Variants in MIA2 observed in about 807,000 individuals in gnomAD.
MIA2 encodes the protein MIA SH3 domain ER export factor 2, also known as melanoma inhibitory activity protein 2.
Under a neutral mutation model 167.8 loss-of-function variants are expected in MIA2, and 127 were observed. The ratio of observed to expected loss-of-function variants is 0.76; its 90% CI spans 0.66 to 0.88. MIA2 has a LOEUF of 0.88. MIA2 is among the 40% of genes least tolerant of loss of function. The pLI is 0.00. For synonymous variants in MIA2, 552 were observed against 541.9 expected, an observed-to-expected ratio of 1.02 and a Z score of -0.26; for missense variants, 1,690 against 1,624.7, an observed-to-expected ratio of 1.04 and a Z score of -0.69.
intron 6 of MIA2, chr14:39,268,965 G>A: frequency 1.0e-6 from 1 of 969,464 alleles, no homozygotes; most frequent in Non-Finnish European, 1.2e-6. Context: ...TCAAGATTTA[G>A]TTTTTATAGG....
chr14:39,380,235 G>A (rs562051134), intron 23 of MIA2, among the ~76,000 whole-genome samples: 1 of 152,294 alleles, frequency 6.6e-6, no homozygotes, highest in Non-Finnish European at 1.5e-5. Context: ...ATTATCTCAG[G>A]TCTTCTCCAA....
Position 39,247,537 on chromosome 14 carries a change from A to T in MIA2, c.963A>T (p.Gly321=). 4 of 1,614,086 alleles carry T rather than the reference A, an allele frequency of 2.5e-6. No individual in the cohort carries two copies. Among genetic ancestry groups the T allele is most frequent in the Non-Finnish European group, 3.4e-6 (4 of 1,180,006 alleles). Residue 321 remains glycine (G), a synonymous_variant, in exon 4 of 29, where the codon GGA becomes GGT. Coordinates refer to ENST00000640607, the MANE Select transcript of MIA2 (RefSeq NM_001329214.4). ...GGGFTSYLGF[G]DEDTGLELIA... Reference sequence around the variant, plus strand: ...GATTTACAAGTTATTTAGGTTTTGGAGATGAGGATACAGGGCTTGAATTAA... The same window carrying T: ...GATTTACAAGTTATTTAGGTTTTGGTGATGAGGATACAGGGCTTGAATTAA...
At chr14:39,237,239 C>T (rs1365056211) in intron 2 of MIA2, 184 bp downstream of exon 2, 3 of 677,216 alleles carry the variant, frequency 4.4e-6, no homozygotes, top group South Asian at 3.1e-5. Context: ...GCCATCCTCC[C>T]ACCTCAGCCT....
intron 23 of MIA2, among the ~76,000 whole-genome samples, chr14:39,358,886 T>C (rs191521637): frequency 4.7e-4 from 72 of 152,276 alleles, no homozygotes; most frequent in African/African-American, 1.3e-3. Context: ...GAACAGCCAA[T>C]GTTGCTGCCT....
rs532401682 is a variant in MIA2 at position 39,284,753 on chromosome 14, T to A, written c.2130+5216T>A. 7.7e-4 allele frequency among the ~76,000 whole-genome samples: 116 copies of A among 151,576 alleles called. 3 individuals carry two copies. In the South Asian group the frequency reaches 0.023, roughly 30 times the overall value. Reference sequence around the variant, plus strand: ...TAGGATTGTTTTCTTTTTTTTTCTTTTTTTTATTTTTTTTTTATTGATCAT... The same window carrying A: ...TAGGATTGTTTTCTTTTTTTTTCTTATTTTTATTTTTTTTTTATTGATCAT... On this transcript the variant is annotated intron_variant, in intron 9 of 28. Transcript: ENST00000640607.
intron 17 of MIA2, among the ~76,000 whole-genome samples, chr14:39,307,671 A>T (rs2063580035): frequency 6.6e-6 from 1 of 152,090 alleles, no homozygotes; most frequent in South Asian, 2.1e-4. Context: ...AAGTGCTGAG[A>T]TGTACAGGCG....
At chr14:39,313,815 G>A (rs2064817905) in intron 19 of MIA2, among the ~76,000 whole-genome samples, 1 of 152,052 alleles carries the variant, frequency 6.6e-6, no homozygotes, top group Non-Finnish European at 1.5e-5. Context: ...CAATAGGTGT[G>A]CCACAAAAAG....
At chr14:39,245,093 T>TTTTTTTTTTA (rs2054236757) in intron 3 of MIA2, among the ~76,000 whole-genome samples, 2 of 150,604 alleles carry the variant, frequency 1.3e-5, no homozygotes, top group Admixed American at 1.3e-4. Context: ...TTTTTTTTTT[T>TTTTTTTTTTA]AAAGACAGGA....
intron 9 of MIA2, among the ~76,000 whole-genome samples, chr14:39,280,475 G>T (rs1440105456): frequency 1.3e-5 from 2 of 152,130 alleles, no homozygotes; most frequent in Non-Finnish European, 2.9e-5. Context: ...GCTCATGCTT[G>T]TAATCCCAGC....
intron 25 of MIA2, among the ~76,000 whole-genome samples, chr14:39,344,700 G>T (rs539431202): frequency 6.6e-6 from 1 of 152,144 alleles, no homozygotes; most frequent in African/African-American, 2.4e-5. Flanking sequence ...GGTTGTTTAC[G>T]TATATCTGTA....
At chr14:39,267,564 CG>C in intron 6 of MIA2, 1 of 1,604,208 alleles carries the variant, frequency 6.2e-7, no homozygotes. Context: ...CCAGGGGTCG[CG>C]GGAGCCGCCG....
In MIA2 at chr14:39,295,012, C is replaced by G. The variant is rs1481706396; in HGVS notation, c.2479C>G (p.Gln827Glu). Reference sequence around the variant, plus strand: ...TGCTTTGAATGAAAATTCTCAACTTCAGGAAAGCCAGAAACAGGTTTGTGC... The same window carrying G: ...TGCTTTGAATGAAAATTCTCAACTTGAGGAAAGCCAGAAACAGGTTTGTGC... ...KDALNENSQL[Q>E]ESQKQLLQEA... Residue 827 changes from glutamine to glutamate, a missense_variant, in exon 13 of 29, where the codon CAG becomes GAG. Coordinates refer to ENST00000640607, the MANE Select transcript of MIA2 (RefSeq NM_001329214.4). 7 of 1,611,074 alleles carry G rather than the reference C, an allele frequency of 4.3e-6. No homozygotes were observed. Among genetic ancestry groups the G allele is most frequent in the Admixed American group, 1.7e-5 (1 of 59,980 alleles).
intron 6 of MIA2, among the ~76,000 whole-genome samples, chr14:39,272,421 A>G (rs1034761969): frequency 3.3e-5 from 5 of 152,182 alleles, no homozygotes; most frequent in Admixed American, 2.6e-4. Flanking sequence ...ATGGGGATCA[A>G]TCAGAGGAAA....
intron 25 of MIA2, among the ~76,000 whole-genome samples, chr14:39,342,591 A>G (rs1408595582): frequency 6.6e-6 from 1 of 152,180 alleles, no homozygotes; most frequent in Non-Finnish European, 1.5e-5. Flanking sequence ...TGCCACACTG[A>G]CTTCCACAAT....
At chr14:39,284,750 CTTTT>C (rs1181601296) in intron 9 of MIA2, among the ~76,000 whole-genome samples, 2 of 147,092 alleles carry the variant, frequency 1.4e-5, no homozygotes, top group Non-Finnish European at 3.0e-5. Flanking sequence ...CTTTTTTTTT[CTTTT>C]TTTTATTTTT....
At chr14:39,361,452 T>TC (rs398024846) in intron 23 of MIA2, among the ~76,000 whole-genome samples, 1 of 143,532 alleles carries the variant, frequency 7.0e-6, no homozygotes, top group Non-Finnish European at 1.5e-5. Context: ...TTTTTTTTTT[T>TC]CCTGAGACAG....
In MIA2 at chr14:39,288,468, T is replaced by TTG. The variant is rs1566748459; in HGVS notation, c.2131-2551_2131-2550insTG. ...ATATATATATATATATATATATATA[T>TTG]ATATATATTTTTTTTTTTTTTTTTG... is the stretch of plus-strand genomic sequence containing the variant. On this transcript the variant is annotated intron_variant, in intron 9 of 28. Transcript: ENST00000640607. Among the ~76,000 whole-genome samples the TTG allele has an allele frequency of 5.8e-3, 257 of 44,166 alleles. 31 individuals carry two copies. Among genetic ancestry groups the TTG allele is most frequent in the African/African-American group, 0.018 (143 of 7,936 alleles). 29.0% of individuals were successfully genotyped at this position (44,166 alleles called of 152,430 possible). A position where few individuals can be genotyped will look rare whatever the true frequency, so the allele number is the denominator to read the frequency against.
At chr14:39,358,438 C>G (rs2074588744) in intron 23 of MIA2, among the ~76,000 whole-genome samples, 1 of 152,156 alleles carries the variant, frequency 6.6e-6, no homozygotes, top group African/African-American at 2.4e-5. Context: ...ATTGGTTATT[C>G]TAGTTCGCCA....
intron 2 of MIA2, among the ~76,000 whole-genome samples, chr14:39,238,584 C>G (rs1472987921): frequency 2.0e-5 from 3 of 151,810 alleles, no homozygotes; most frequent in Non-Finnish European, 4.4e-5. Context: ...CACTTGAGGC[C>G]AGGAGTTTGA....
Sources: gnomAD v4.1 joint callset for allele counts (sites outside exome capture counted in the v4.1 genomes callset) on GRCh38, gnomAD v4.1.1 for gene constraint, MANE v1.5 for transcripts, NCBI Gene and HGNC (gene_info 2026-07-23, HGNC 2026-07-21) for gene names.